Variants in IL1R2 observed in about 807,000 individuals in gnomAD.
IL1R2 encodes interleukin-1 receptor type 2.
Under a neutral mutation model 39.5 loss-of-function variants are expected in IL1R2, and 46 were observed. The observed-to-expected ratio is 1.16, with a 90% CI of 0.92 to 1.49. The LOEUF is 1.49. Ranked by LOEUF, IL1R2 falls within the 40% of genes most tolerant of loss-of-function variation. The pLI is 0.00. For synonymous variants in IL1R2, 207 were observed against 189.6 expected (o/e 1.09, Z -0.75); for missense variants, 537 against 502.0 (o/e 1.07, Z -0.67).
chr2:102,024,457 G>T, intron 6 of IL1R2, 76 bp from the exon 7 acceptor site: 1 of 1,015,730 alleles, frequency 9.8e-7, no homozygotes, highest in Non-Finnish European at 1.6e-6. Context: ...GCCGAGGAGG[G>T]ACTCAGGGCT....
At chr2:102,027,942 A>G (rs975192545) in intron 8 of IL1R2, among the ~76,000 whole-genome samples, 1 of 152,230 alleles carries the variant, frequency 6.6e-6, no homozygotes, top group African/African-American at 2.4e-5. Flanking sequence ...TTAAACGCAC[A>G]GTGTCCCACT....
chr2:102,014,731 T>C (rs2310171), intron 3 of IL1R2, among the ~76,000 whole-genome samples: 26,335 of 151,714 alleles, frequency 0.17, 2,766 homozygotes, highest in East Asian at 0.29. Context: ...AACTCGTCCT[T>C]ATTGTCTCTG....
At chr2:102,010,438 T>C (rs1237841651) in intron 3 of IL1R2, among the ~76,000 whole-genome samples, 3 of 151,996 alleles carry the variant, frequency 2.0e-5, no homozygotes, top group African/African-American at 7.3e-5. Flanking sequence ...TAGCTGGGCA[T>C]GGTGGCGGGC....
At chr2:102,016,587 G>A (rs1161959911) in intron 4 of IL1R2, 1 of 153,276 alleles carries the variant, frequency 6.5e-6, no homozygotes, top group Non-Finnish European at 1.5e-5. Flanking sequence ...ATGTCACTTA[G>A]GTGTGTAGGA....
intron 4 of IL1R2, among the ~76,000 whole-genome samples, chr2:102,017,838 T>C (rs1677106379): frequency 6.6e-6 from 1 of 152,152 alleles, no homozygotes; most frequent in Non-Finnish European, 1.5e-5. Flanking sequence ...AAATACTTCC[T>C]ATTTGGCCCT....
chr2:102,005,684 A>G (rs1372710573), intron 1 of IL1R2, among the ~76,000 whole-genome samples: 1 of 152,220 alleles, frequency 6.6e-6, no homozygotes, highest in East Asian at 1.9e-4. Context: ...ACTTCCACTT[A>G]CATCTCATTG....
chr2:102,017,456 A>G (rs182246875), intron 4 of IL1R2, among the ~76,000 whole-genome samples: 1 of 152,216 alleles, frequency 6.6e-6, no homozygotes, highest in East Asian at 1.9e-4. Flanking sequence ...GCAAATATGA[A>G]CACAATTTAT....
intron 2 of IL1R2, 108 bp downstream of exon 2, chr2:102,008,750 C>G (rs758948196): frequency 6.8e-6 from 6 of 881,232 alleles, no homozygotes; most frequent in African/African-American, 6.7e-5. Flanking sequence ...GGGCCGAGCT[C>G]GGTGGCTGCC....
At chr2:102,024,706 G>A (rs780868934) in intron 7 of IL1R2, 38 bp downstream of exon 7, 2 of 1,612,498 alleles carry the variant, frequency 1.2e-6, no homozygotes, top group East Asian at 2.2e-5. Context: ...AACTCTGTGG[G>A]TTTCGCTCTT....
chr2:102,022,547 A>C (rs1677469494), intron 6 of IL1R2, among the ~76,000 whole-genome samples: 1 of 152,268 alleles, frequency 6.6e-6, no homozygotes, highest in African/African-American at 2.4e-5. Context: ...AGCAGTTATC[A>C]ACTGCATGAG....
intron 1 of IL1R2, among the ~76,000 whole-genome samples, chr2:102,001,229 C>T (rs2150421309): frequency 6.6e-6 from 1 of 152,324 alleles, no homozygotes; most frequent in East Asian, 1.9e-4. Context: ...GTCCCAAGAA[C>T]CACTGACTAA....
intron 1 of IL1R2, among the ~76,000 whole-genome samples, chr2:101,995,200 A>T (rs1277003323): frequency 2.0e-5 from 3 of 152,170 alleles, no homozygotes; most frequent in Admixed American, 2.0e-4. Context: ...AAAAGATTAC[A>T]TGTGCTGGGT....
At chr2:102,003,984 T>C (rs2150425952) in intron 1 of IL1R2, among the ~76,000 whole-genome samples, 1 of 150,760 alleles carries the variant, frequency 6.6e-6, no homozygotes, top group South Asian at 2.1e-4. Context: ...TTGGTCTCGG[T>C]CTGGGTCTAT....
chr2:102,027,457 A>C (rs1677808688), intron 8 of IL1R2, among the ~76,000 whole-genome samples: 2 of 152,200 alleles, frequency 1.3e-5, no homozygotes, highest in African/African-American at 4.8e-5. Flanking sequence ...CAGGGAACAC[A>C]GGCTGTAAGT....
Position 101,996,093 on chromosome 2 carries a change from C to T in IL1R2, c.-62+4082C>T, listed in dbSNP as rs114042709. On this transcript the variant is annotated intron_variant, in intron 1 of 8. Transcript: ENST00000332549. ...AATCGGCACTTGTTTTTCTCAGTCA[C>T]GTGCCCCGCCCGACTTCAAGGGTTC... Among the ~76,000 whole-genome samples the T allele has an allele frequency of 6.4e-3, 954 of 149,900 alleles. 11 individuals carry two copies. The highest frequency in any genetic ancestry group is 0.022 in the African/African-American group (905 of 41,100).
At position 102,022,206 on chromosome 2, in the gene IL1R2, T is replaced by C; in HGVS notation, c.708T>C (p.Ile236=). Residue 236 remains isoleucine, a synonymous_variant, in exon 6 of 9, where the codon ATT becomes ATC. Coordinates refer to ENST00000332549, the MANE Select transcript of IL1R2 (RefSeq NM_004633.4). Reference sequence around the variant, plus strand: ...TCTCAGAAAAAAAAGAAGAGACCATTCCTGTGATCATTTCCCCCCTCAAGA... The same window carrying C: ...TCTCAGAAAAAAAAGAAGAGACCATCCCTGTGATCATTTCCCCCCTCAAGA... ...LRIKKKKEET[I]PVIISPLKTI... is the part of the protein sequence containing the mutation. 6.2e-7 allele frequency: 1 copy of C among 1,613,764 alleles called. No homozygotes were observed. The highest frequency in any genetic ancestry group is 8.5e-7 in the Non-Finnish European group (1 of 1,179,616).
At chr2:101,999,989 G>T (rs1461737859) in intron 1 of IL1R2, among the ~76,000 whole-genome samples, 1 of 152,126 alleles carries the variant, frequency 6.6e-6, no homozygotes, top group Non-Finnish European at 1.5e-5. Flanking sequence ...CATATTTTTA[G>T]TATAGTAACT....
At chr2:102,003,686 C>T (rs565247443) in intron 1 of IL1R2, among the ~76,000 whole-genome samples, 1 of 147,142 alleles carries the variant, frequency 6.8e-6, no homozygotes, top group South Asian at 2.3e-4. Flanking sequence ...GTGTCTGTGT[C>T]GGTGTCTAGG....
At chr2:101,994,388 C>A (rs914798436) in intron 1 of IL1R2, among the ~76,000 whole-genome samples, 2 of 152,140 alleles carry the variant, frequency 1.3e-5, no homozygotes, top group African/African-American at 4.8e-5. Flanking sequence ...AGAGCAGACT[C>A]GGGTTGCTTT....
Sources: allele counts gnomAD v4.1 joint callset (sites outside exome capture counted in the v4.1 genomes callset), GRCh38; gene constraint gnomAD v4.1.1; transcripts MANE v1.5; gene names NCBI Gene and HGNC (gene_info 2026-07-23, HGNC 2026-07-21).